The following ST6GAL1 variants were observed in gnomAD, a reference collection of about 807,000 sequenced individuals.
The protein encoded by ST6GAL1 is beta-galactoside alpha-2,6-sialyltransferase 1.
Under a neutral mutation model 38.0 loss-of-function variants are expected in ST6GAL1, and 20 were observed. That is an observed-to-expected ratio of 0.53 (90% CI 0.37 to 0.77). The LOEUF is 0.77. Ranked by LOEUF, ST6GAL1 falls within the 30% of genes least tolerant of loss-of-function variation. The pLI is 0.00. For missense variants in ST6GAL1, 432 were observed against 496.4 expected (o/e 0.87, Z 1.23); for synonymous variants, 196 against 188.2 (o/e 1.04, Z -0.34).
In ST6GAL1 at chr3:187,023,700, A is replaced by T. The variant is rs529799787; in HGVS notation, c.-182-15042A>T. 2.0e-5 allele frequency among the ~76,000 whole-genome samples: 3 copies of T among 152,210 alleles called. No individual in the cohort carries two copies. In the South Asian group the frequency reaches 6.2e-4, roughly 32 times the overall value. On this transcript the variant is annotated intron_variant, in intron 2 of 7. Transcript: ENST00000169298. ...AATTGAACAGTGAGAACACATGGAC[A>T]CAGGAAGGGGAACATCACACACCGG...
intron 2 of ST6GAL1, among the ~76,000 whole-genome samples, chr3:186,975,523 T>C (rs1162977788): frequency 6.6e-6 from 1 of 152,196 alleles, no homozygotes; most frequent in African/African-American, 2.4e-5. Flanking sequence ...GGTTCGTACC[T>C]GCCTGGCCAT....
chr3:186,996,118 A>C (rs1304832354), intron 2 of ST6GAL1, among the ~76,000 whole-genome samples: 3 of 152,224 alleles, frequency 2.0e-5, no homozygotes. Context: ...AAATATTTGA[A>C]TACAGAGTCT....
At chr3:187,010,565 T>C (rs113152124) in intron 2 of ST6GAL1, among the ~76,000 whole-genome samples, 1 of 151,810 alleles carries the variant, frequency 6.6e-6, no homozygotes, top group African/African-American at 2.4e-5. Context: ...ACTCTCCCTT[T>C]TCCTTTAATC....
chr3:187,057,327 C>T (rs758078264), intron 5 of ST6GAL1, among the ~76,000 whole-genome samples: 29 of 152,338 alleles, frequency 1.9e-4, no homozygotes, highest in Non-Finnish European at 3.2e-4. Flanking sequence ...AGTCATTCTC[C>T]GTCCAGCTTT....
chr3:187,016,098 A>C lies in ST6GAL1; in HGVS notation c.-182-22644A>C, dbSNP rs558032038. Among the ~76,000 whole-genome samples the C allele has an allele frequency of 1.5e-3, 230 of 152,258 alleles. 1 individual carries two copies. The highest frequency in any genetic ancestry group is 2.9e-3 in the Non-Finnish European group (197 of 68,018). ...TAGGAGGCAATCACAGTCACTTTTC[A>C]TCCTTCCTTTCTTTCTGTACAGAGC... On this transcript the variant is annotated intron_variant, in intron 2 of 7. Transcript: ENST00000169298.
intron 2 of ST6GAL1, among the ~76,000 whole-genome samples, chr3:187,031,253 T>C (rs1294996963): frequency 6.6e-6 from 1 of 152,224 alleles, no homozygotes; most frequent in Non-Finnish European, 1.5e-5. Context: ...CACACTTTGC[T>C]GAAGAACTTC....
chr3:187,073,155 G>T (rs1486326558), intron 6 of ST6GAL1, among the ~76,000 whole-genome samples: 1 of 152,198 alleles, frequency 6.6e-6, no homozygotes, highest in African/African-American at 2.4e-5. Context: ...TGCCAGCACT[G>T]CCAGGTATTG....
intron 1 of ST6GAL1, among the ~76,000 whole-genome samples, chr3:186,955,372 T>C (rs2108522974): frequency 6.6e-6 from 1 of 152,348 alleles, no homozygotes; most frequent in South Asian, 2.1e-4. Flanking sequence ...CTGTGAAGAA[T>C]GTCAATGGTA....
chr3:187,047,981 T>C (rs539963632), intron 4 of ST6GAL1, among the ~76,000 whole-genome samples: 37 of 151,390 alleles, frequency 2.4e-4, no homozygotes, highest in Admixed American at 7.9e-4. Context: ...CTTGCTCTGT[T>C]GCCCAGGCTG....
chr3:187,025,954 G>A (rs139418755), intron 2 of ST6GAL1, among the ~76,000 whole-genome samples: 183 of 152,322 alleles, frequency 1.2e-3, no homozygotes, highest in South Asian at 3.5e-3. Context: ...TCTGGTAAGA[G>A]ACCCTTGGCA....
At chr3:187,050,056 TGTGTTCCTGAGGTTTA>T (rs1294143886) in intron 4 of ST6GAL1, among the ~76,000 whole-genome samples, 1 of 152,224 alleles carries the variant, frequency 6.6e-6, no homozygotes, top group Non-Finnish European at 1.5e-5. Context: ...ATGATGTTTC[TGTGTTCCTGAGGTTTA>T]GTACATACAT....
intron 1 of ST6GAL1, among the ~76,000 whole-genome samples, chr3:186,944,901 G>A (rs1183968879): frequency 6.6e-6 from 1 of 152,182 alleles, no homozygotes; most frequent in Non-Finnish European, 1.5e-5. Flanking sequence ...CAGCTGAGAG[G>A]CCATATGCCT....
At chr3:186,988,376 CTGACGGAA>C (rs1042091089) in intron 2 of ST6GAL1, among the ~76,000 whole-genome samples, 11 of 152,042 alleles carry the variant, frequency 7.2e-5, no homozygotes, top group Admixed American at 7.2e-4. Flanking sequence ...GTTGATCACA[CTGACGGAA>C]AATTTGAAGC....
intron 2 of ST6GAL1, among the ~76,000 whole-genome samples, chr3:187,024,491 T>G (rs926529255): frequency 0.012 from 1,292 of 105,244 alleles, 12 homozygotes; most frequent in African/African-American, 0.027. Context: ...TATATATATA[T>G]ATAGAGAGAG....
chr3:186,931,741 G>T (rs1288893782), intron 1 of ST6GAL1, among the ~76,000 whole-genome samples: 1 of 152,198 alleles, frequency 6.6e-6, no homozygotes, highest in Non-Finnish European at 1.5e-5. Context: ...GCCCGTGTCC[G>T]TGTGCCCAGA....
chr3:186,995,567 A>C (rs1375702993), intron 2 of ST6GAL1, among the ~76,000 whole-genome samples: 4 of 151,356 alleles, frequency 2.6e-5, no homozygotes, highest in Non-Finnish European at 5.9e-5. Context: ...CAGGCTGTGC[A>C]TGGTGGCGGC....
At chr3:186,933,166 G>A in intron 1 of ST6GAL1, among the ~76,000 whole-genome samples, 1 of 152,128 alleles carries the variant, frequency 6.6e-6, no homozygotes, top group Admixed American at 6.5e-5. Flanking sequence ...TTCCTAATTG[G>A]TTTTCTACGC....
chr3:187,051,604 C>T (rs1303095208), intron 5 of ST6GAL1: 1 of 414,588 alleles, frequency 2.4e-6, no homozygotes, highest in Non-Finnish European at 4.5e-6. Flanking sequence ...TTGAGCTGTC[C>T]TTGCTGCTGC....
At chr3:186,948,526 CTAGTGTGTGTGTGTGTGTGTGT>C (rs1270856344) in intron 1 of ST6GAL1, among the ~76,000 whole-genome samples, 12 of 128,416 alleles carry the variant, frequency 9.3e-5, no homozygotes, top group Admixed American at 7.3e-4. Context: ...TTCAGAAACT[CTAGTGTGTGTGTGTGTGTGTGT>C]GTGTGTGTGT....
Sources: allele counts gnomAD v4.1 joint callset (sites outside exome capture counted in the v4.1 genomes callset), GRCh38; gene constraint gnomAD v4.1.1; transcripts MANE v1.5; gene names NCBI Gene and HGNC (gene_info 2026-07-23, HGNC 2026-07-21).